Variants in MAPK10 observed in about 807,000 individuals in gnomAD.
MAPK10 encodes the protein mitogen-activated protein kinase 10.
A neutral mutation model predicts 59.3 loss-of-function variants in MAPK10; 25 were observed. The observed-to-expected ratio is 0.42, with a 90% confidence interval of 0.31 to 0.59. The LOEUF (loss-of-function observed/expected upper bound fraction) is 0.59, where lower values mean the gene tolerates loss of function less well. MAPK10 is among the 20% of genes least tolerant of loss of function. MAPK10 has a pLI of 0.15. For synonymous variants in MAPK10, 190 were observed against 200.5 expected (o/e 0.95, Z 0.44); for missense variants, 351 against 568.9 (o/e 0.62, Z 3.90).
chr4:86,562,709 A>T (rs1305645261), intron 1 of MAPK10, among the ~76,000 whole-genome samples: 2 of 151,242 alleles, frequency 1.3e-5, no homozygotes, highest in East Asian at 1.9e-4. Flanking sequence ...AAATAAAAAT[A>T]AAAAAAAACA....
In MAPK10 at chr4:86,012,565, TA is replaced by T. The variant is rs1195941264; in HGVS notation, c.*4662del. On this transcript the variant is annotated 3_prime_UTR_variant, in exon 14 of 14. Coordinates refer to ENST00000641462, the MANE Select transcript of MAPK10 (RefSeq NM_138982.4). The stretch of plus-strand genomic sequence containing the variant: ...CATAATATATTGACTCCATATTACC[TA>T]AAAAGAGTCAAAAGAAGCAGAAGTT... The T allele has an allele frequency of 2.0e-5, 3 of 152,274 alleles. No individual in the cohort carries two copies. Among genetic ancestry groups the T allele is most frequent in the African/African-American group, 7.2e-5 (3 of 41,554 alleles). The allele number at this position is 152,274 out of a possible 1,614,324, so 9.4% of individuals were successfully genotyped here.
At chr4:86,240,049 CTT>C (rs1201254054) in intron 2 of MAPK10, among the ~76,000 whole-genome samples, 2 of 152,134 alleles carry the variant, frequency 1.3e-5, no homozygotes, top group African/African-American at 4.8e-5. Flanking sequence ...TATGTTGTCT[CTT>C]TGTTCTCATT....
intron 1 of MAPK10, among the ~76,000 whole-genome samples, chr4:86,422,440 T>C (rs1436888350): frequency 6.6e-6 from 1 of 152,198 alleles, no homozygotes; most frequent in African/African-American, 2.4e-5. Flanking sequence ...GGGATGTGCT[T>C]TGGGGTGGCA....
intron 3 of MAPK10, among the ~76,000 whole-genome samples, chr4:86,182,514 A>T (rs1360668115): frequency 6.6e-6 from 1 of 152,076 alleles, no homozygotes; most frequent in Non-Finnish European, 1.5e-5. Flanking sequence ...TTGGGCAAAA[A>T]GTTGAGAGTA....
intron 1 of MAPK10, among the ~76,000 whole-genome samples, chr4:86,396,014 C>T (rs1303359970): frequency 2.0e-5 from 3 of 152,248 alleles, no homozygotes; most frequent in Non-Finnish European, 4.4e-5. Flanking sequence ...GCCATTCTAT[C>T]TGTGCAGGCA....
intron 1 of MAPK10, among the ~76,000 whole-genome samples, chr4:86,425,540 C>A (rs1260165881): frequency 1.3e-5 from 2 of 152,070 alleles, no homozygotes; most frequent in African/African-American, 4.8e-5. Flanking sequence ...TTCTTTAAAC[C>A]ATCCAATTGT....
rs555267354 is a variant in MAPK10, at chr4:86,218,074, C to G, written c.-6-23667G>C. ...TAATTCTATAAATATTTAACAGTAT[C>G]TATTCTGAGTGAGGCACTATACTGA... On this transcript the variant is annotated intron_variant, in intron 2 of 13. Transcript: ENST00000641462. Among the ~76,000 whole-genome samples, 3 of 152,206 alleles carry G rather than the reference C, an allele frequency of 2.0e-5. No homozygotes were observed. In the East Asian group the frequency reaches 5.8e-4, roughly 29 times the overall value.
chr4:86,498,372 C>T (rs1755048677), intron 1 of MAPK10, among the ~76,000 whole-genome samples: 1 of 152,172 alleles, frequency 6.6e-6, no homozygotes. Context: ...TTTTGATCTT[C>T]ATCGGTTTGA....
intron 2 of MAPK10, among the ~76,000 whole-genome samples, chr4:86,211,227 C>T (rs1344100659): frequency 1.3e-5 from 2 of 151,936 alleles, no homozygotes; most frequent in Non-Finnish European, 2.9e-5. Flanking sequence ...ATCTAAGAAG[C>T]TCAACAAATG....
chr4:86,129,522 T>A (rs994773077), intron 4 of MAPK10, among the ~76,000 whole-genome samples: 2 of 152,172 alleles, frequency 1.3e-5, no homozygotes, highest in African/African-American at 4.8e-5. Context: ...CCTATTAATA[T>A]TTCTCTAAGT....
chr4:86,411,681 G>GC (rs952686507), intron 1 of MAPK10, among the ~76,000 whole-genome samples: 1 of 151,980 alleles, frequency 6.6e-6, no homozygotes, highest in Admixed American at 6.6e-5. Context: ...TTTGATCTTT[G>GC]TTGGTTTAAA....
intron 2 of MAPK10, among the ~76,000 whole-genome samples, chr4:86,336,039 TG>T (rs1194593278): frequency 6.6e-6 from 1 of 152,180 alleles, no homozygotes; most frequent in Non-Finnish European, 1.5e-5. Context: ...ACTGGAGATT[TG>T]TCAAGGAAAT....
chr4:86,113,830 T>G lies in MAPK10; in HGVS notation c.237-6478A>C, dbSNP rs562217457. On this transcript the variant is annotated intron_variant, in intron 4 of 13. Transcript: ENST00000641462. Reference sequence around the variant, plus strand: ...GTTTTCCAACTTGCTTCCATTCTCCTCATCTCTTTCAGATGCTCCAATCAG... The same window carrying G: ...GTTTTCCAACTTGCTTCCATTCTCCGCATCTCTTTCAGATGCTCCAATCAG... Among the ~76,000 whole-genome samples the G allele has an allele frequency of 6.6e-5, 10 of 152,356 alleles. No homozygotes were observed. The East Asian group carries it at 1.9e-3, about 29-fold the overall frequency.
chr4:86,418,851 T>C (rs762109877), intron 1 of MAPK10, among the ~76,000 whole-genome samples: 14 of 152,146 alleles, frequency 9.2e-5, no homozygotes, highest in Non-Finnish European at 1.8e-4. Context: ...TAAAAAGGAA[T>C]AAAATAATGG....
At chr4:86,578,464 T>C (rs1269694654) in intron 1 of MAPK10, among the ~76,000 whole-genome samples, 1 of 152,140 alleles carries the variant, frequency 6.6e-6, no homozygotes, top group Non-Finnish European at 1.5e-5. Flanking sequence ...AAGAAAAAGC[T>C]GGAAGAATTA....
intron 1 of MAPK10, among the ~76,000 whole-genome samples, chr4:86,465,921 G>A (rs961893152): frequency 2.0e-5 from 3 of 152,252 alleles, no homozygotes; most frequent in Admixed American, 6.5e-5. Flanking sequence ...TGAGGAAAGC[G>A]GGACAACCAG....
chr4:86,400,212 C>T lies in MAPK10; in HGVS notation c.-121-45568G>A, dbSNP rs528287872. Among the ~76,000 whole-genome samples, 12 of 152,220 alleles carry T rather than the reference C, an allele frequency of 7.9e-5. No homozygotes were observed. The East Asian group carries it at 1.9e-3, about 24-fold the overall frequency. On this transcript the variant is annotated intron_variant, in intron 1 of 13. Coordinates refer to the MAPK10 transcript ENST00000361569. ...GTTAGACAAGTTTCTGACAAAAGCT[C>T]ACCTCTTCTCTGACATTACATGCTG... is the stretch of plus-strand genomic sequence containing the variant.
chr4:86,076,140 G>A (rs2093601598), intron 9 of MAPK10, among the ~76,000 whole-genome samples: 1 of 152,206 alleles, frequency 6.6e-6, no homozygotes. Context: ...ATATTCGGGT[G>A]GGAGTGACCC....
chr4:86,076,035 C>A (rs574817334), intron 9 of MAPK10, among the ~76,000 whole-genome samples: 6 of 152,120 alleles, frequency 3.9e-5, no homozygotes, highest in South Asian at 4.1e-4. Flanking sequence ...GCTGTGCTAG[C>A]AATCAGCGAG....
Sources: gnomAD v4.1 joint callset for allele counts (sites outside exome capture counted in the v4.1 genomes callset) on GRCh38, gnomAD v4.1.1 for gene constraint, MANE v1.5 for transcripts, NCBI Gene and HGNC (gene_info 2026-07-23, HGNC 2026-07-21) for gene names.